FNDC3B: variants seen among roughly 807,000 people sequenced by gnomAD.
The protein encoded by FNDC3B is fibronectin type III domain-containing protein 3B.
A neutral mutation model predicts 151.5 loss-of-function variants in FNDC3B; 12 were observed. The observed-to-expected ratio is 0.08, with a 90% CI of 0.05 to 0.13. FNDC3B has a LOEUF of 0.13. Ranked by LOEUF, FNDC3B falls within the 10% of genes least tolerant of loss-of-function variation. FNDC3B has a pLI of 1.00. For missense variants in FNDC3B, 1,214 were observed against 1,505.3 expected (o/e 0.81, Z 3.20); for synonymous variants, 528 against 549.0 (o/e 0.96, Z 0.54).
chr3:172,171,494 C>T (rs1379951622), intron 3 of FNDC3B, among the ~76,000 whole-genome samples: 1 of 151,908 alleles, frequency 6.6e-6, no homozygotes, highest in African/African-American at 2.4e-5. Context: ...TCTTTGCACA[C>T]TGGCATGAAC....
intron 6 of FNDC3B, among the ~76,000 whole-genome samples, chr3:172,253,141 TA>T (rs1349194517): frequency 6.6e-6 from 1 of 152,242 alleles, no homozygotes; most frequent in Non-Finnish European, 1.5e-5. Context: ...ACTCATTCTT[TA>T]ATAATTTTCA....
rs529330798 is a variant in FNDC3B, at chr3:172,066,527, G to T, written c.-29+26756G>T. ...CCTTTCAGGACAGAGGTGGCTACAG[G>T]CTTCAGGAAATAAAGCTCATTTTCC... On this transcript the variant is annotated intron_variant, in intron 1 of 25. Coordinates refer to ENST00000415807, the MANE Select transcript of FNDC3B (RefSeq NM_022763.4). 1.3e-3 allele frequency among the ~76,000 whole-genome samples: 205 copies of T among 152,280 alleles called. 2 individuals are homozygous for T. Among genetic ancestry groups the T allele is most frequent in the Admixed American group, 2.4e-3 (36 of 15,298 alleles).
At chr3:172,147,465 C>G (rs985711360) in intron 3 of FNDC3B, among the ~76,000 whole-genome samples, 3 of 152,118 alleles carry the variant, frequency 2.0e-5, no homozygotes, top group African/African-American at 7.2e-5. Context: ...CCTAATCTAG[C>G]TCGAATGGTG....
rs143810257 is a variant in FNDC3B, at chr3:172,348,543, A to G, written c.2514+1182A>G. ...TTATGTGCCACACTCTTGTTTTTCT[A>G]CCAAGGCAGGATATAAATAAAGAGC... On this transcript the variant is annotated intron_variant, in intron 21 of 25. Transcript: ENST00000415807. Among the ~76,000 whole-genome samples, 204 of 152,300 alleles carry G rather than the reference A, an allele frequency of 1.3e-3. No individual in the cohort carries two copies. The Middle Eastern group carries it at 0.014, about 10-fold the overall frequency.
At chr3:172,145,362 A>G (rs1721849352) in intron 3 of FNDC3B, among the ~76,000 whole-genome samples, 1 of 152,230 alleles carries the variant, frequency 6.6e-6, no homozygotes, top group Non-Finnish European at 1.5e-5. Context: ...TCTGTCTTCT[A>G]GTGAAAATGT....
At chr3:172,229,084 AACACACACACACACACACACACACAC>A (rs760446690) in intron 4 of FNDC3B, among the ~76,000 whole-genome samples, 7 of 117,858 alleles carry the variant, frequency 5.9e-5, no homozygotes, top group East Asian at 2.8e-4. Context: ...GAAAGAAAGA[AACACACACACACACACACACACACAC>A]ACACACACAC....
chr3:172,349,929 T>G (rs1649759832), intron 21 of FNDC3B, among the ~76,000 whole-genome samples: 1 of 152,194 alleles, frequency 6.6e-6, no homozygotes, highest in South Asian at 2.1e-4. Context: ...GTGCTGGGAT[T>G]CCAGGTGTGA....
At chr3:172,251,617 CA>C in intron 6 of FNDC3B, 76 bp downstream of exon 6, 1 of 1,346,718 alleles carries the variant, frequency 7.4e-7, no homozygotes, top group Non-Finnish European at 1.0e-6. Context: ...ACATCTTTTA[CA>C]TGAGAATATT....
rs181655011 is a variant in FNDC3B at position 172,084,616 on chromosome 3, C to G, written c.-28-27836C>G. Among the ~76,000 whole-genome samples, 367 of 152,244 alleles carry G rather than the reference C, an allele frequency of 2.4e-3. 4 individuals carry two copies. Among genetic ancestry groups the G allele is most frequent in the Non-Finnish European group, 1.1e-3 (72 of 68,026 alleles). On this transcript the variant is annotated intron_variant, in intron 1 of 25. Coordinates refer to ENST00000415807, the MANE Select transcript of FNDC3B (RefSeq NM_022763.4). ...ATATTTAGCTAATGGTTGTCTTCAA[C>G]GTAAGTTGGGGCTACATAGATCAGG...
intron 1 of FNDC3B, among the ~76,000 whole-genome samples, chr3:172,106,590 G>A (rs1383844733): frequency 6.6e-6 from 1 of 152,228 alleles, no homozygotes; most frequent in Non-Finnish European, 1.5e-5. Flanking sequence ...TTGGCCCTCA[G>A]AGTGAGGACC....
chr3:172,188,345 T>G (rs886588594), intron 3 of FNDC3B, among the ~76,000 whole-genome samples: 3 of 151,976 alleles, frequency 2.0e-5, no homozygotes, highest in African/African-American at 7.2e-5. Flanking sequence ...ATGTTTAGAG[T>G]GGTGGAACTG....
chr3:172,307,248 C>T (rs1055385656), intron 9 of FNDC3B, 115 bp from the exon 10 acceptor site: 1 of 1,056,930 alleles, frequency 9.5e-7, no homozygotes, highest in African/African-American at 1.6e-5. Context: ...GAGCATGATA[C>T]TCACTCCGTA....
Position 172,069,900 on chromosome 3 carries a change from G to A in FNDC3B, c.-29+30129G>A, listed in dbSNP as rs180828732. 1.6e-3 allele frequency among the ~76,000 whole-genome samples: 247 copies of A among 152,196 alleles called. No individual in the cohort carries two copies. The Middle Eastern group carries it at 0.02, about 13-fold the overall frequency. On this transcript the variant is annotated intron_variant, in intron 1 of 25. Coordinates refer to ENST00000415807, the MANE Select transcript of FNDC3B (RefSeq NM_022763.4). Reference sequence around the variant, plus strand: ...GTTTCTATTATATATATCGTTTATTGTAGCATTCTCACAGTGACCCTGTGG... The same window carrying A: ...GTTTCTATTATATATATCGTTTATTATAGCATTCTCACAGTGACCCTGTGG...
At chr3:172,257,901 T>C (rs191356469) in intron 6 of FNDC3B, among the ~76,000 whole-genome samples, 1 of 152,270 alleles carries the variant, frequency 6.6e-6, no homozygotes, top group Non-Finnish European at 1.5e-5. Context: ...TGCTGGCTCT[T>C]TGAGTGCCAA....
chr3:172,227,559 C>T (rs13073573), intron 4 of FNDC3B, among the ~76,000 whole-genome samples: 38,783 of 152,056 alleles, frequency 0.26, 5,108 homozygotes, highest in East Asian at 0.44. Flanking sequence ...GTGAATAAAG[C>T]ATAAAATGTT....
intron 4 of FNDC3B, chr3:172,237,604 A>C (rs1429978214): frequency 6.6e-6 from 1 of 152,252 alleles, no homozygotes; most frequent in African/African-American, 2.4e-5. Context: ...CTCTTAAAAA[A>C]GAAAAATAAA....
chr3:172,278,811 C>T (rs1335628276), intron 6 of FNDC3B, among the ~76,000 whole-genome samples: 4 of 152,118 alleles, frequency 2.6e-5, no homozygotes, highest in African/African-American at 9.7e-5. Context: ...CTCGTAATCC[C>T]AGCTACTCAG....
At chr3:172,353,862 G>T (rs1733969547) in intron 22 of FNDC3B, among the ~76,000 whole-genome samples, 1 of 152,058 alleles carries the variant, frequency 6.6e-6, no homozygotes, top group Non-Finnish European at 1.5e-5. Flanking sequence ...AACTCACATT[G>T]GGAGAATGCC....
intron 11 of FNDC3B, among the ~76,000 whole-genome samples, chr3:172,314,727 T>G (rs1464308679): frequency 1.3e-5 from 2 of 152,228 alleles, no homozygotes; most frequent in Non-Finnish European, 2.9e-5. Flanking sequence ...TTATTTCTGC[T>G]GAGATTAGGA....
Sources: gnomAD v4.1 joint callset for allele counts (sites outside exome capture counted in the v4.1 genomes callset) on GRCh38, gnomAD v4.1.1 for gene constraint, MANE v1.5 for transcripts, NCBI Gene and HGNC (gene_info 2026-07-23, HGNC 2026-07-21) for gene names.